Variants in WDR88 observed in about 807,000 individuals in gnomAD.
WDR88 encodes WD repeat domain 88, also known as WD repeat-containing protein 88.
A neutral mutation model predicts 46.8 loss-of-function variants in WDR88; 40 were observed. The observed-to-expected ratio is 0.86, with a 90% CI of 0.66 to 1.11. The LOEUF is 1.11. WDR88 is among the 50% of genes most tolerant of loss of function. The probability of loss-of-function intolerance (pLI) is 0.00; values close to 1 mark genes in which losing one functional copy is unlikely to be tolerated. For missense variants in WDR88, 562 were observed against 602.4 expected (o/e 0.93, Z 0.70); for synonymous variants, 235 against 240.7 (o/e 0.98, Z 0.22).
In WDR88 at chr19:33,147,636, T is replaced by C. The variant is rs762235936; in HGVS notation, c.477-9T>C. On this transcript the variant is annotated splice_polypyrimidine_tract_variant and intron_variant, in intron 3 of 10. Transcript: ENST00000355868. Reference sequence around the variant, plus strand: ...GAACCAGTGTTCGTCATCGTCATCTTATTTCCAGAGTCATTGCCGCATCCT... The same window carrying C: ...GAACCAGTGTTCGTCATCGTCATCTCATTTCCAGAGTCATTGCCGCATCCT... 7 of 1,613,138 alleles carry C rather than the reference T, an allele frequency of 4.3e-6. No homozygotes were observed. The African/African-American group carries it at 9.4e-5, about 22-fold the overall frequency.
chr19:33,167,236 C>A (rs757070805), intron 9 of WDR88, among the ~76,000 whole-genome samples: 10 of 151,844 alleles, frequency 6.6e-5, no homozygotes, highest in Non-Finnish European at 1.5e-4. Flanking sequence ...GGGATTTATC[C>A]CAGGGATACA....
intron 8 of WDR88, among the ~76,000 whole-genome samples, chr19:33,163,332 C>CAA (rs35300109): frequency 3.8e-4 from 53 of 139,610 alleles, no homozygotes; most frequent in East Asian, 2.9e-3. Flanking sequence ...GACTCCGTCT[C>CAA]AAAAAAAAAA....
At chr19:33,171,807 T>C (rs1183937064) in intron 9 of WDR88, among the ~76,000 whole-genome samples, 1 of 152,200 alleles carries the variant, frequency 6.6e-6, no homozygotes, top group Non-Finnish European at 1.5e-5. Context: ...AGAGTCTCAC[T>C]CTGTCGCACA....
chr19:33,174,632 G>C, intron 10 of WDR88: 2 of 985,432 alleles, frequency 2.0e-6, no homozygotes, highest in Non-Finnish European at 2.4e-6. Flanking sequence ...GCTTTGTTCA[G>C]AAATCTTGCC....
At chr19:33,135,917 T>C (rs191209218) in intron 1 of WDR88, among the ~76,000 whole-genome samples, 40 of 151,928 alleles carry the variant, frequency 2.6e-4, no homozygotes, top group African/African-American at 8.2e-4. Context: ...TAAGACGAAG[T>C]CTTGCTCTGT....
At chr19:33,162,836 T>G (rs1426570418) in intron 8 of WDR88, among the ~76,000 whole-genome samples, 1 of 151,508 alleles carries the variant, frequency 6.6e-6, no homozygotes, top group Non-Finnish European at 1.5e-5. Flanking sequence ...GAGCTATGAT[T>G]GAGCTGCTAC....
chr19:33,169,245 T>G (rs6510362), intron 9 of WDR88, among the ~76,000 whole-genome samples: 1 of 151,980 alleles, frequency 6.6e-6, no homozygotes, highest in East Asian at 1.9e-4. Context: ...CAAACTAAAC[T>G]TCGTTGAAAT....
At chr19:33,150,404 G>T (rs1228888065) in intron 5 of WDR88, among the ~76,000 whole-genome samples, 1 of 152,212 alleles carries the variant, frequency 6.6e-6, no homozygotes, top group Non-Finnish European at 1.5e-5. Flanking sequence ...AGCCGAAATC[G>T]CGCCTCTGCG....
At chr19:33,144,764 G>A (rs1973476271) in intron 2 of WDR88, 80 bp from the exon 3 acceptor site, 2 of 1,288,748 alleles carry the variant, frequency 1.6e-6, no homozygotes, top group Admixed American at 3.8e-5. Flanking sequence ...TAAGCTAAGG[G>A]CTAATGTTGA....
At chr19:33,148,277 C>A (rs1313523325) in intron 4 of WDR88, among the ~76,000 whole-genome samples, 1 of 152,100 alleles carries the variant, frequency 6.6e-6, no homozygotes, top group Non-Finnish European at 1.5e-5. Context: ...TCCTGCCTCA[C>A]CCCTGCCGTC....
chr19:33,142,797 G>A (rs1360873558), intron 2 of WDR88: 2 of 125,400 alleles, frequency 1.6e-5, no homozygotes, highest in African/African-American at 3.0e-5. Flanking sequence ...CACGAGGTCA[G>A]TAGTTCGAGA....
chr19:33,139,102 G>T (rs1973336998), intron 2 of WDR88, among the ~76,000 whole-genome samples: 1 of 152,202 alleles, frequency 6.6e-6, no homozygotes, highest in Admixed American at 6.5e-5. Flanking sequence ...GGATGGCCAG[G>T]TCTGTGTGGT....
At chr19:33,149,660 T>C (rs1272306815) in intron 5 of WDR88, among the ~76,000 whole-genome samples, 2 of 151,794 alleles carry the variant, frequency 1.3e-5, no homozygotes, top group Non-Finnish European at 2.9e-5. Flanking sequence ...CCTGTATCTT[T>C]TTTTTTTTTC....
intron 9 of WDR88, 81 bp from the exon 10 acceptor site, chr19:33,172,252 CCTTGACAGCCCATGT>C (rs1974050204): frequency 9.6e-7 from 1 of 1,045,884 alleles, no homozygotes. Context: ...TCTTTTTGTG[CCTTGACAGCCCATGT>C]CTTTTGATTG....
At position 33,156,341 on chromosome 19, in the gene WDR88, C is replaced by T. The variant is rs987045048; in HGVS notation, c.810-14C>T. 1 of 1,612,754 alleles carries T rather than the reference C, an allele frequency of 6.2e-7. No individual in the cohort carries two copies. On this transcript the variant is annotated splice_polypyrimidine_tract_variant and intron_variant, in intron 6 of 10. Transcript: ENST00000355868. ...CAAAGCGCTAATGTGTGCACCCCAC[C>T]ATCTGTGTTTCAGGGCACATTCCAA...
chr19:33,149,012 A>C, intron 5 of WDR88, 102 bp downstream of exon 5: 1 of 1,538,882 alleles, frequency 6.5e-7, no homozygotes, highest in Non-Finnish European at 8.8e-7. Context: ...TGAAACTGTA[A>C]TGGTATGAAG....
In WDR88 at chr19:33,132,464, G is replaced by A. The variant is rs1034232633; in HGVS notation, c.276+19G>A. The A allele has an allele frequency of 6.8e-6, 11 of 1,611,846 alleles. No homozygotes were observed. Among genetic ancestry groups the A allele is most frequent in the Admixed American group, 1.7e-5 (1 of 59,958 alleles). The stretch of plus-strand genomic sequence containing the variant: ...CTCCAAGGTCAGAACCGCCGCTGGG[G>A]TGAGGGGGCACTGGCCTGTTCCCCA... On this transcript the variant is annotated intron_variant, in intron 1 of 10. Coordinates refer to ENST00000355868, the MANE Select transcript of WDR88 (RefSeq NM_173479.4).
chr19:33,134,363 A>AT lies in WDR88; in HGVS notation c.276+1926dup, dbSNP rs546524232. On this transcript the variant is annotated intron_variant, in intron 1 of 10. Coordinates refer to ENST00000355868, the MANE Select transcript of WDR88 (RefSeq NM_173479.4). ...TTTTAAATTATTAATTTTAATTTTG[A>AT]TTTTTTTTGTAGAGAGGGGGAGTCT... Among the ~76,000 whole-genome samples, 521 of 151,530 alleles carry AT rather than the reference A, an allele frequency of 3.4e-3. 4 individuals are homozygous for AT. The highest frequency in any genetic ancestry group is 0.012 in the African/African-American group (479 of 41,340).
At chr19:33,135,709 C>G (rs144248879) in intron 1 of WDR88, among the ~76,000 whole-genome samples, 1 of 152,106 alleles carries the variant, frequency 6.6e-6, no homozygotes, top group East Asian at 1.9e-4. Flanking sequence ...TGAGCCACTG[C>G]GCCTGGCCGA....
Sources: gnomAD v4.1 joint callset for allele counts (sites outside exome capture counted in the v4.1 genomes callset) on GRCh38, gnomAD v4.1.1 for gene constraint, MANE v1.5 for transcripts, NCBI Gene and HGNC (gene_info 2026-07-23, HGNC 2026-07-21) for gene names.